Variants in MECR observed in about 807,000 individuals in gnomAD.
The protein encoded by MECR is enoyl-[acyl-carrier-protein] reductase, mitochondrial.
In MECR, 37 loss-of-function variants were observed where a neutral mutation model predicts 49.1. The observed-to-expected ratio is 0.75, with a 90% confidence interval of 0.58 to 0.99. The LOEUF (loss-of-function observed/expected upper bound fraction) is 0.99, where lower values mean the gene tolerates loss of function less well. Ranked by LOEUF, MECR falls within the 50% of genes least tolerant of loss-of-function variation. The probability of loss-of-function intolerance (pLI) is 0.00; values close to 1 mark genes in which losing one functional copy is unlikely to be tolerated. For synonymous variants in MECR, 198 were observed against 191.1 expected, an observed-to-expected ratio of 1.04 and a Z score of -0.30; for missense variants, 470 against 479.6, an observed-to-expected ratio of 0.98 and a Z score of 0.19.
intron 3 of MECR, among the ~76,000 whole-genome samples, chr1:29,211,542 T>C (rs1230365939): frequency 2.0e-5 from 3 of 152,234 alleles, no homozygotes; most frequent in Non-Finnish European, 4.4e-5. Context: ...ATCTAATGCA[T>C]ACAGAAATTT....
intron 7 of MECR, among the ~76,000 whole-genome samples, chr1:29,198,757 C>T (rs555379951): frequency 6.7e-4 from 102 of 152,336 alleles, no homozygotes; most frequent in African/African-American, 2.3e-3. Flanking sequence ...GCTGGGATTA[C>T]AGGCACCCAC....
chr1:29,211,098 T>G (rs918548784), intron 3 of MECR, among the ~76,000 whole-genome samples: 6 of 151,720 alleles, frequency 4.0e-5, no homozygotes, highest in South Asian at 4.2e-4. Context: ...GTTTTTTTTT[T>G]TTTTGTTTTG....
rs1464944422 is a variant in MECR, at chr1:29,226,975, T to C, written c.176+3756A>G. On this transcript the variant is annotated intron_variant, in intron 1 of 9. Transcript: ENST00000263702. ...ATCTTTTTTTTTTTTTTTTTTTTTTTTGAGACACAGCCTCACTCTGTCGCT... is the reference window on the plus strand; with the variant it reads ...ATCTTTTTTTTTTTTTTTTTTTTTTCTGAGACACAGCCTCACTCTGTCGCT... Among the ~76,000 whole-genome samples, 3 of 149,270 alleles carry C rather than the reference T, an allele frequency of 2.0e-5. No homozygotes were observed. In the East Asian group the frequency reaches 5.8e-4, roughly 29 times the overall value.
At chr1:29,208,772 C>G (rs1418516528) in intron 3 of MECR, among the ~76,000 whole-genome samples, 1 of 152,054 alleles carries the variant, frequency 6.6e-6, no homozygotes, top group Non-Finnish European at 1.5e-5. Context: ...AGACAGTTTC[C>G]TTAGTTTCAT....
At chr1:29,168,155 C>A in the MECR span, among the ~76,000 whole-genome samples, 1 of 151,742 alleles carries the variant, frequency 6.6e-6, no homozygotes, top group Non-Finnish European at 1.5e-5. Context: ...GCTGGGACTA[C>A]AGGTGTGCAC....
chr1:29,174,410 C>T, the MECR span, among the ~76,000 whole-genome samples: 46 of 152,024 alleles, frequency 3.0e-4, no homozygotes, highest in Admixed American at 3.0e-3. Flanking sequence ...ATTATACATG[C>T]ATAAAATAGT....
chr1:29,196,427 C>CT (rs1674013752), intron 7 of MECR, among the ~76,000 whole-genome samples, 169 bp from the exon 8 acceptor site: 2 of 152,226 alleles, frequency 1.3e-5, no homozygotes, highest in Non-Finnish European at 2.9e-5. Flanking sequence ...TGGCTCATGC[C>CT]TATAATCCCA....
At chr1:29,214,252 G>A (rs1335969392) in intron 3 of MECR, among the ~76,000 whole-genome samples, 1 of 151,862 alleles carries the variant, frequency 6.6e-6, no homozygotes. Context: ...GAAGAGACGG[G>A]GTTTTACCAT....
chr1:29,191,549 C>T (rs1039225506), downstream of MECR, among the ~76,000 whole-genome samples: 2 of 152,178 alleles, frequency 1.3e-5, no homozygotes, highest in African/African-American at 4.8e-5. Flanking sequence ...AGCCTTCCCT[C>T]CTTCTAAGGC....
Position 29,230,762 on chromosome 1 carries a change from CATA to C in MECR, c.142_144del (p.Tyr48del). The C allele has an allele frequency of 6.3e-7, 1 of 1,594,766 alleles. No homozygotes were observed. The highest frequency in any genetic ancestry group is 8.5e-7 in the Non-Finnish European group (1 of 1,171,206). On this transcript the variant is annotated inframe_deletion, in exon 1 of 10. Coordinates refer to ENST00000263702, the MANE Select transcript of MECR (RefSeq NM_016011.5). ...ACCTTGGCTGGATCCCCGTGGTGCC[CATA>C]GACAAGCGCCCGGACCCGGGCAGGC...
At chr1:29,189,084 C>T (rs550926621), downstream of MECR, among the ~76,000 whole-genome samples, 57 of 152,142 alleles carry the variant, frequency 3.7e-4, no homozygotes, top group Admixed American at 1.2e-3. Context: ...GAATTACAGG[C>T]GTGCACCACC....
chr1:29,178,406 C>T, the MECR span, among the ~76,000 whole-genome samples: 765 of 145,278 alleles, frequency 5.3e-3, 8 homozygotes, highest in African/African-American at 0.019. Context: ...TGCAGTGGCA[C>T]GATCTCGGCT....
At chr1:29,224,038 A>G (rs1420565926) in intron 1 of MECR, 1 of 152,198 alleles carries the variant, frequency 6.6e-6, no homozygotes, top group East Asian at 1.9e-4. Flanking sequence ...TCAGAGACTT[A>G]GGGCAACTTC....
intron 3 of MECR, among the ~76,000 whole-genome samples, chr1:29,210,301 T>C (rs912008720): frequency 2.0e-5 from 3 of 152,192 alleles, no homozygotes; most frequent in African/African-American, 4.8e-5. Context: ...CATGAGTCAC[T>C]GTACCCGGCC....
chr1:29,203,114 C>T lies in MECR; in HGVS notation c.653+17G>A, dbSNP rs1675721575. On this transcript the variant is annotated intron_variant, in intron 5 of 9. Coordinates refer to ENST00000263702, the MANE Select transcript of MECR (RefSeq NM_016011.5). ...ACCCAAGACATGGTCTGGGATGAAG[C>T]CTCCTTCCCCACGCACCTGTCTCGG... 6.5e-7 allele frequency: 1 copy of T among 1,550,346 alleles called. No individual in the cohort carries two copies. Among genetic ancestry groups the T allele is most frequent in the Non-Finnish European group, 8.7e-7 (1 of 1,143,030 alleles).
chr1:29,212,832 C>T (rs1338305207), intron 3 of MECR, among the ~76,000 whole-genome samples: 1 of 152,252 alleles, frequency 6.6e-6, no homozygotes, highest in Non-Finnish European at 1.5e-5. Context: ...AGCCCCACCC[C>T]ACCTTTCCAG....
chr1:29,217,026 C>T (rs1039725653), intron 1 of MECR, among the ~76,000 whole-genome samples: 3 of 140,428 alleles, frequency 2.1e-5, no homozygotes, highest in Admixed American at 7.7e-5. Context: ...CCCAGCTACT[C>T]GGGTGGCTGA....
At chr1:29,216,171 A>G in intron 2 of MECR, 35 bp from the exon 3 acceptor site, 1 of 1,611,576 alleles carries the variant, frequency 6.2e-7, no homozygotes, top group Non-Finnish European at 8.5e-7. Flanking sequence ...TCAACCAGTG[A>G]TGTTTGGGCA....
At chr1:29,181,897 A>ACGCAGCTCGCGAGCG in the MECR span, 12 of 546,530 alleles carry the variant, frequency 2.2e-5, 1 homozygote, top group South Asian at 4.6e-4. Context: ...GTACGCGAGC[A>ACGCAGCTCGCGAGCG]CGCAGCTCGC....
Sources: gnomAD v4.1 joint callset for allele counts (sites outside exome capture counted in the v4.1 genomes callset) on GRCh38, gnomAD v4.1.1 for gene constraint, MANE v1.5 for transcripts, NCBI Gene and HGNC (gene_info 2026-07-23, HGNC 2026-07-21) for gene names.